The following SAMD7 variants were observed in gnomAD, a reference collection of about 807,000 sequenced individuals.
SAMD7 encodes the protein sterile alpha motif domain containing 7.
Under a neutral mutation model 36.7 loss-of-function variants are expected in SAMD7, and 34 were observed. The ratio of observed to expected loss-of-function variants is 0.93; its 90% CI spans 0.71 to 1.23. The LOEUF is 1.23. Ranked by LOEUF, SAMD7 falls within the 50% of genes most tolerant of loss-of-function variation. SAMD7 has a pLI of 0.00. For synonymous variants in SAMD7, 188 were observed against 189.7 expected (o/e 0.99, Z 0.07); for missense variants, 570 against 546.6 (o/e 1.04, Z -0.43).
intron 3 of SAMD7, among the ~76,000 whole-genome samples, chr3:169,920,447 TATA>T (rs2108257773): frequency 6.6e-6 from 1 of 152,312 alleles, no homozygotes; most frequent in African/African-American, 2.4e-5. Flanking sequence ...GCCCCACCTT[TATA>T]ATATCATTTA....
At chr3:169,918,541 G>A (rs1712912430) in intron 2 of SAMD7, among the ~76,000 whole-genome samples, 2 of 152,178 alleles carry the variant, frequency 1.3e-5, no homozygotes, top group African/African-American at 4.8e-5. Flanking sequence ...ACAAGAAAAT[G>A]TCAGGAAAAA....
At chr3:169,932,965 T>C in intron 7 of SAMD7, 1 of 696,584 alleles carries the variant, frequency 1.4e-6, no homozygotes, top group Non-Finnish European at 2.7e-6. Context: ...CCTTGCTGGA[T>C]GAAAGAAGCA....
At chr3:169,918,701 A>G (rs942209078) in intron 2 of SAMD7, among the ~76,000 whole-genome samples, 2 of 152,238 alleles carry the variant, frequency 1.3e-5, no homozygotes. Flanking sequence ...TTCTAATTAG[A>G]TATACTTTTA....
intron 7 of SAMD7, 48 bp from the exon 8 acceptor site, chr3:169,936,291 T>C (rs1713713025): frequency 2.4e-6 from 3 of 1,248,980 alleles, no homozygotes; most frequent in Admixed American, 1.9e-5. Flanking sequence ...AAGAACTTTT[T>C]CAAAAAAAGA....
intron 6 of SAMD7, 104 bp downstream of exon 6, chr3:169,927,285 CTTTTTTTT>C (rs71634451): frequency 1.3e-3 from 181 of 141,718 alleles, no homozygotes; most frequent in East Asian, 3.4e-3. Context: ...TTTTATCTTT[CTTTTTTTT>C]TTTTTTTTTT....
At chr3:169,918,895 C>T (rs1712924662) in intron 2 of SAMD7, among the ~76,000 whole-genome samples, 1 of 152,190 alleles carries the variant, frequency 6.6e-6, no homozygotes, top group Non-Finnish European at 1.5e-5. Context: ...GCCTGTAATC[C>T]CAGCACTTTG....
In SAMD7 at chr3:169,933,608, C is replaced by T. The variant is rs115679629; in HGVS notation, c.1042-2731C>T. 8.7e-3 allele frequency among the ~76,000 whole-genome samples: 1,332 copies of T among 152,270 alleles called. 23 individuals carry two copies. Among genetic ancestry groups the T allele is most frequent in the African/African-American group, 0.03 (1,234 of 41,542 alleles). ...GAACATTTCAGTCCTTTCTCCACACCGGTGCATATTGTGGAAAAATATATG... is the reference window on the plus strand; with the variant it reads ...GAACATTTCAGTCCTTTCTCCACACTGGTGCATATTGTGGAAAAATATATG... On this transcript the variant is annotated intron_variant, in intron 7 of 8. Coordinates refer to ENST00000335556, the MANE Select transcript of SAMD7 (RefSeq NM_001304366.2).
chr3:169,936,363 G>A lies in SAMD7; in HGVS notation c.1066G>A (p.Gly356Arg), dbSNP rs1327801402. 1 of 1,610,224 alleles carries A rather than the reference G, an allele frequency of 6.2e-7. No homozygotes were observed. Among genetic ancestry groups the A allele is most frequent in the South Asian group, 1.1e-5 (1 of 90,932 alleles). The change falls in exon 8 of 9, where the codon GGA (glycine) becomes AGA (arginine). Residue 356 changes from glycine (G) to arginine (R), a missense_variant. Coordinates refer to ENST00000335556, the MANE Select transcript of SAMD7 (RefSeq NM_001304366.2). The part of the protein sequence containing the change: ...AQVFKDHAID[G>R]ETLPLLTEEH... ...GGTATTTAAAGATCATGCAATTGATGGAGAAACTTTGCCATTACTCACAGA... is the reference window on the plus strand; with the variant it reads ...GGTATTTAAAGATCATGCAATTGATAGAGAAACTTTGCCATTACTCACAGA...
At chr3:169,914,835 GC>G (rs1712732262) in intron 1 of SAMD7, among the ~76,000 whole-genome samples, 1 of 152,064 alleles carries the variant, frequency 6.6e-6, no homozygotes, top group South Asian at 2.1e-4. Flanking sequence ...ATATGCCTAA[GC>G]CTGGCAAACC....
chr3:169,926,187 T>C (rs1713249069), intron 5 of SAMD7: 1 of 912,258 alleles, frequency 1.1e-6, no homozygotes, highest in African/African-American at 1.7e-5. Flanking sequence ...TTGTCTTTCT[T>C]GAATCTCACT....
chr3:169,917,854 G>A lies in SAMD7; in HGVS notation c.-41-1604G>A, dbSNP rs572975294. On this transcript the variant is annotated intron_variant, in intron 2 of 8. Transcript: ENST00000335556. ...GACATGGTTTCACCATGTTAGCTAGGCTGGTCTCGATCTCCTGACCTCATG... is the reference window on the plus strand; with the variant it reads ...GACATGGTTTCACCATGTTAGCTAGACTGGTCTCGATCTCCTGACCTCATG... Among the ~76,000 whole-genome samples the A allele has an allele frequency of 3.9e-5, 6 of 152,074 alleles. No homozygotes were observed. The East Asian group carries it at 1.2e-3, about 29-fold the overall frequency.
rs545002998 is a variant in SAMD7 at position 169,933,885 on chromosome 3, G to C, written c.1042-2454G>C. On this transcript the variant is annotated intron_variant, in intron 7 of 8. Transcript: ENST00000335556. ...GAGCATGGTGGGAACACATATGAGG[G>C]ACTCTTGGCCTCCTAAAGGAAGAGG... Among the ~76,000 whole-genome samples, 18 of 152,340 alleles carry C rather than the reference G, an allele frequency of 1.2e-4. No homozygotes were observed. In the East Asian group the frequency reaches 2.1e-3, roughly 18 times the overall value.
chr3:169,924,981 T>G, intron 4 of SAMD7, 77 bp from the exon 5 acceptor site: 1 of 921,720 alleles, frequency 1.1e-6, no homozygotes, highest in East Asian at 2.6e-5. Flanking sequence ...TTTTACATTG[T>G]TATAGTTTAT....
intron 2 of SAMD7, among the ~76,000 whole-genome samples, chr3:169,916,133 C>T (rs913254005): frequency 6.6e-6 from 1 of 152,094 alleles, no homozygotes; most frequent in Admixed American, 6.6e-5. Flanking sequence ...AATGGACGAA[C>T]CTGAAGGACA....
At chr3:169,913,894 C>T (rs955515141) in intron 1 of SAMD7, among the ~76,000 whole-genome samples, 5 of 152,150 alleles carry the variant, frequency 3.3e-5, no homozygotes, top group African/African-American at 9.7e-5. Flanking sequence ...CAAGTATCTA[C>T]CTGGCTGATG....
intron 7 of SAMD7, among the ~76,000 whole-genome samples, chr3:169,934,084 G>A (rs115052567): frequency 0.011 from 1,666 of 152,312 alleles, 14 homozygotes; most frequent in Non-Finnish European, 0.017. Context: ...GGGAGAGCAA[G>A]ATGAGACTGG....
chr3:169,924,529 G>C (rs558761578), intron 4 of SAMD7, among the ~76,000 whole-genome samples: 7 of 152,270 alleles, frequency 4.6e-5, no homozygotes, highest in Non-Finnish European at 4.4e-5. Context: ...AGAGGTTGTA[G>C]TGAGCCAAGA....
At chr3:169,922,840 A>T (rs1301600355) in intron 4 of SAMD7, among the ~76,000 whole-genome samples, 1 of 152,098 alleles carries the variant, frequency 6.6e-6, no homozygotes, top group African/African-American at 2.4e-5. Context: ...ATCATTTTAC[A>T]TTGGACTATT....
intron 7 of SAMD7, chr3:169,932,495 C>A: frequency 1.7e-6 from 1 of 580,988 alleles, no homozygotes; most frequent in South Asian, 1.5e-5. Flanking sequence ...CAGAGCCCTG[C>A]TGATGGTGGG....
Sources: allele counts gnomAD v4.1 joint callset (sites outside exome capture counted in the v4.1 genomes callset), GRCh38; gene constraint gnomAD v4.1.1; transcripts MANE v1.5; gene names NCBI Gene and HGNC (gene_info 2026-07-23, HGNC 2026-07-21).